Variants in AKAP10 observed in about 807,000 individuals in gnomAD.
AKAP10 encodes the protein A-kinase anchoring protein 10, also known as A-kinase anchor protein 10, mitochondrial.
Under a neutral mutation model 80.8 loss-of-function variants are expected in AKAP10, and 24 were observed. The observed-to-expected ratio is 0.30, with a 90% confidence interval of 0.22 to 0.42. AKAP10 has a LOEUF of 0.42. Ranked by LOEUF, AKAP10 falls within the 10% of genes least tolerant of loss-of-function variation. The probability of loss-of-function intolerance (pLI) is 1.00; values close to 1 mark genes in which losing one functional copy is unlikely to be tolerated. For missense variants in AKAP10, 661 were observed against 794.9 expected (o/e 0.83, Z 2.03); for synonymous variants, 291 against 277.7 (o/e 1.05, Z -0.48).
rs201284951 is a variant in AKAP10 at position 19,924,410 on chromosome 17, G to A, written c.1749C>T (p.Ala583=). 2.1e-5 allele frequency: 33 copies of A among 1,575,044 alleles called. No individual in the cohort carries two copies. The highest frequency in any genetic ancestry group is 6.9e-5 in the East Asian group (3 of 43,788). The change falls in exon 11 of 15, where the codon GCC becomes GCT. Residue 583 remains alanine, a splice_region_variant and synonymous_variant. Coordinates refer to ENST00000225737, the MANE Select transcript of AKAP10 (RefSeq NM_007202.4). The stretch of plus-strand genomic sequence containing the variant: ...TTCTAGGCATGAGCTAAGCTTACCC[G>A]GCATATGTCCGTTGATATAAAGATT... ...DPESLYQRTY[A]GKMTFGRVSD... is the part of the protein sequence containing the mutation.
chr17:19,973,755 C>G (rs2043528846), intron 1 of AKAP10, among the ~76,000 whole-genome samples: 1 of 152,214 alleles, frequency 6.6e-6, no homozygotes, highest in Non-Finnish European at 1.5e-5. Context: ...AGATGACTGC[C>G]TAGACCAGGG....
intron 5 of AKAP10, among the ~76,000 whole-genome samples, chr17:19,946,219 ATT>A (rs1555576578): frequency 7.5e-5 from 2 of 26,704 alleles, no homozygotes; most frequent in Middle Eastern, 0.025. Flanking sequence ...ATATATATAT[ATT>A]TTATATATAT....
chr17:19,960,693 C>T (rs1032330780), intron 3 of AKAP10, among the ~76,000 whole-genome samples: 4 of 152,162 alleles, frequency 2.6e-5, no homozygotes, highest in Admixed American at 1.3e-4. Context: ...ATACAGAGTG[C>T]AACTGCTAGG....
At chr17:19,910,040 T>C in intron 12 of AKAP10, 62 bp from the exon 13 acceptor site, 1 of 1,547,728 alleles carries the variant, frequency 6.5e-7, no homozygotes, top group South Asian at 1.1e-5. Flanking sequence ...AAAAATGCTC[T>C]TATTTGGCTG....
At chr17:19,930,451 T>C (rs570497334) in intron 10 of AKAP10, among the ~76,000 whole-genome samples, 1 of 152,202 alleles carries the variant, frequency 6.6e-6, no homozygotes, top group East Asian at 1.9e-4. Context: ...AAATGCACAA[T>C]GTGGCACGGT....
intron 14 of AKAP10, among the ~76,000 whole-genome samples, chr17:19,906,732 C>A (rs1219160600): frequency 6.6e-6 from 1 of 152,176 alleles, no homozygotes; most frequent in African/African-American, 2.4e-5. Flanking sequence ...GTAGTTTATG[C>A]TGAATGTCCA....
At position 19,947,444 on chromosome 17, in the gene AKAP10, T is replaced by C; in HGVS notation, c.939A>G (p.Pro313=). ...TKYISPDAAK[P]IPITEAMRND... Reference sequence around the variant, plus strand: ...TTCTCATTGCTTCTGTAATTGGTATTGGTTTAGCAGCATCTGGAGATATAT... The same window carrying C: ...TTCTCATTGCTTCTGTAATTGGTATCGGTTTAGCAGCATCTGGAGATATAT... The change falls in exon 5 of 15, where the codon CCA becomes CCG. Residue 313 remains proline, a synonymous_variant. Transcript: ENST00000225737. 1 of 1,612,334 alleles carries C rather than the reference T, an allele frequency of 6.2e-7. No homozygotes were observed. Among genetic ancestry groups the C allele is most frequent in the Non-Finnish European group, 8.5e-7 (1 of 1,178,400 alleles).
At chr17:19,946,935 C>CCA (rs2043139894) in intron 5 of AKAP10, among the ~76,000 whole-genome samples, 1 of 152,212 alleles carries the variant, frequency 6.6e-6, no homozygotes. Flanking sequence ...GGAGAGGCCA[C>CCA]CACTGAGACA....
chr17:19,905,925 A>C lies in AKAP10; in HGVS notation c.*302T>G, dbSNP rs1479406941. The C allele has an allele frequency of 8.3e-6, 3 of 359,762 alleles. No individual in the cohort carries two copies. The highest frequency in any genetic ancestry group is 1.6e-5 in the Non-Finnish European group (3 of 193,144). The allele number at this position is 359,762 out of a possible 1,614,324, so 22.3% of individuals were successfully genotyped here. On this transcript the variant is annotated 3_prime_UTR_variant, in exon 15 of 15. Transcript: ENST00000225737. The stretch of plus-strand genomic sequence containing the variant: ...GGATGTGGTCCCTGTCTATTCCAGT[A>C]GGCTAAAACACTCTCATAAATGGGT...
intron 4 of AKAP10, among the ~76,000 whole-genome samples, chr17:19,957,652 A>T (rs1446972222): frequency 2.0e-5 from 3 of 152,246 alleles, no homozygotes; most frequent in Admixed American, 2.0e-4. Flanking sequence ...CAATTTTTAA[A>T]AATTTTTTAA....
At chr17:19,960,531 T>C (rs1453832194) in intron 3 of AKAP10, among the ~76,000 whole-genome samples, 1 of 152,228 alleles carries the variant, frequency 6.6e-6, no homozygotes, top group Non-Finnish European at 1.5e-5. Flanking sequence ...TATCAACAGT[T>C]TGTTCCTTTT....
intron 11 of AKAP10, among the ~76,000 whole-genome samples, chr17:19,920,324 T>G (rs1477528294): frequency 1.3e-5 from 2 of 152,162 alleles, no homozygotes; most frequent in Non-Finnish European, 2.9e-5. Context: ...GCAATTCCAT[T>G]CAAAATCCTC....
chr17:19,962,295 TACAC>T (rs36115670), intron 3 of AKAP10, among the ~76,000 whole-genome samples: 2,154 of 125,010 alleles, frequency 0.017, 45 homozygotes, highest in African/African-American at 0.059. Context: ...TACATACATA[TACAC>T]ACACACACAC....
At chr17:19,973,870 G>A (rs1567780548) in intron 1 of AKAP10, among the ~76,000 whole-genome samples, 1 of 152,206 alleles carries the variant, frequency 6.6e-6, no homozygotes, top group Non-Finnish European at 1.5e-5. Context: ...GAAAGAAGAG[G>A]TTCAAAGATG....
chr17:19,950,765 C>T (rs952988190), intron 4 of AKAP10, among the ~76,000 whole-genome samples: 1 of 152,038 alleles, frequency 6.6e-6, no homozygotes, highest in African/African-American at 2.4e-5. Flanking sequence ...TCTGCCTAGC[C>T]GCCCATCGTC....
At position 19,951,106 on chromosome 17, in the gene AKAP10, A is replaced by G. The variant is rs866778645; in HGVS notation, c.878-3601T>C. Among the ~76,000 whole-genome samples, 362 of 123,876 alleles carry G rather than the reference A, an allele frequency of 2.9e-3. 12 individuals are homozygous for G. The East Asian group carries it at 0.089, about 30-fold the overall frequency. 81.3% of individuals were successfully genotyped at this position (123,876 alleles called of 152,430 possible). ...CGGTCTGCGAAGTGAGGAGCCCCTC[A>G]GCCCGGCAGCCGCCCCGTCCGGGAG... On this transcript the variant is annotated intron_variant, in intron 4 of 14. Coordinates refer to ENST00000225737, the MANE Select transcript of AKAP10 (RefSeq NM_007202.4).
At chr17:19,946,288 T>A (rs1319188499) in intron 5 of AKAP10, among the ~76,000 whole-genome samples, 2 of 66,780 alleles carry the variant, frequency 3.0e-5, no homozygotes, top group Non-Finnish European at 6.1e-5. Flanking sequence ...TTTTTTTTTT[T>A]TTTTTTTTTT....
chr17:19,911,302 C>T (rs1357638373), intron 12 of AKAP10, among the ~76,000 whole-genome samples: 2 of 152,138 alleles, frequency 1.3e-5, no homozygotes, highest in South Asian at 2.1e-4. Flanking sequence ...CTCAATCTAC[C>T]TTCCCAATTT....
intron 5 of AKAP10, 30 bp downstream of exon 5, chr17:19,947,377 T>C (rs1223995783): frequency 2.4e-5 from 36 of 1,513,714 alleles, no homozygotes; most frequent in Non-Finnish European, 3.1e-5. Context: ...TTGTCATTTT[T>C]TTTTTGCCAT....
Sources: gnomAD v4.1 joint callset for allele counts (sites outside exome capture counted in the v4.1 genomes callset) on GRCh38, gnomAD v4.1.1 for gene constraint, MANE v1.5 for transcripts, NCBI Gene and HGNC (gene_info 2026-07-23, HGNC 2026-07-21) for gene names.